Variants in GTF2F2 observed in about 807,000 individuals in gnomAD.
The protein encoded by GTF2F2 is ATP-dependent helicase GTF2F2.
In GTF2F2, 23 loss-of-function variants were observed where a neutral mutation model predicts 42.2. The observed-to-expected ratio is 0.55, with a 90% CI of 0.39 to 0.77. GTF2F2 has a LOEUF of 0.77. GTF2F2 is among the 30% of genes least tolerant of loss of function. The pLI is 0.00. For synonymous variants in GTF2F2, 105 were observed against 100.8 expected (o/e 1.04, Z -0.25); for missense variants, 261 against 287.2 (o/e 0.91, Z 0.66).
chr13:45,175,540 G>A (rs1399656308), intron 4 of GTF2F2, among the ~76,000 whole-genome samples: 1 of 152,102 alleles, frequency 6.6e-6, no homozygotes, highest in African/African-American at 2.4e-5. Flanking sequence ...AAACATTTTT[G>A]TTATTATCTT....
intron 4 of GTF2F2, among the ~76,000 whole-genome samples, chr13:45,178,802 T>G (rs566360354): frequency 3.3e-5 from 5 of 152,276 alleles, no homozygotes; most frequent in African/African-American, 1.2e-4. Flanking sequence ...TCCATGAATC[T>G]GTGAGTTGGC....
intron 5 of GTF2F2, among the ~76,000 whole-genome samples, chr13:45,211,076 G>T (rs1454769972): frequency 2.0e-5 from 3 of 152,158 alleles, no homozygotes; most frequent in Non-Finnish European, 2.9e-5. Flanking sequence ...CTGGTTGGTG[G>T]TGGCTCTTGT....
At chr13:45,151,870 A>G in intron 4 of GTF2F2, 39 bp downstream of exon 4, 1 of 860,632 alleles carries the variant, frequency 1.2e-6, no homozygotes, top group Non-Finnish European at 1.6e-6. Flanking sequence ...ATTCCTGTAC[A>G]TTTTGTATAG....
At chr13:45,128,244 G>A (rs1356089029) in intron 1 of GTF2F2, among the ~76,000 whole-genome samples, 1 of 147,686 alleles carries the variant, frequency 6.8e-6, no homozygotes. Flanking sequence ...ACAGGTGTGA[G>A]CCACTGTGCC....
intron 6 of GTF2F2, among the ~76,000 whole-genome samples, chr13:45,255,166 C>CAAAAAAAAAA (rs55795620): frequency 7.9e-5 from 6 of 76,090 alleles, no homozygotes; most frequent in Non-Finnish European, 1.4e-4. Context: ...GACTTTGTCT[C>CAAAAAAAAAA]AAAAAAAAAA....
At chr13:45,223,869 C>T (rs1433768216) in intron 5 of GTF2F2, among the ~76,000 whole-genome samples, 1 of 152,138 alleles carries the variant, frequency 6.6e-6, no homozygotes, top group East Asian at 1.9e-4. Context: ...TACATTAATA[C>T]CATTTTCCCT....
intron 1 of GTF2F2, chr13:45,124,093 C>T (rs1191566159): frequency 8.1e-6 from 7 of 862,472 alleles, no homozygotes; most frequent in South Asian, 1.3e-5. Flanking sequence ...AGGAAATGAA[C>T]TTGACAAAGT....
intron 1 of GTF2F2, among the ~76,000 whole-genome samples, chr13:45,136,133 G>A (rs1869607395): frequency 6.6e-6 from 1 of 152,204 alleles, no homozygotes; most frequent in South Asian, 2.1e-4. Context: ...TAGTCCCTGA[G>A]TGCCTCAAAT....
chr13:45,261,447 A>G (rs1297216652), intron 6 of GTF2F2, among the ~76,000 whole-genome samples: 2 of 147,288 alleles, frequency 1.4e-5, no homozygotes, highest in African/African-American at 2.6e-5. Context: ...AAAAAAAAGA[A>G]TAATTTGTGT....
intron 4 of GTF2F2, among the ~76,000 whole-genome samples, chr13:45,195,595 A>G (rs1054878524): frequency 2.0e-5 from 3 of 152,138 alleles, no homozygotes; most frequent in African/African-American, 4.8e-5. Flanking sequence ...TTGTTTTTCA[A>G]CTTGGGAGCT....
At chr13:45,253,851 G>A (rs570825464) in intron 6 of GTF2F2, among the ~76,000 whole-genome samples, 5 of 152,212 alleles carry the variant, frequency 3.3e-5, no homozygotes, top group Admixed American at 1.3e-4. Context: ...CGAGGCAGGC[G>A]GTTCACAAGG....
At chr13:45,207,204 G>T in intron 4 of GTF2F2, 1 of 462,698 alleles carries the variant, frequency 2.2e-6, no homozygotes, top group Non-Finnish European at 3.9e-6. Flanking sequence ...AAGGGCCACA[G>T]CAGCCTAATA....
intron 4 of GTF2F2, among the ~76,000 whole-genome samples, chr13:45,188,580 C>A (rs1289500030): frequency 2.0e-5 from 3 of 152,082 alleles, no homozygotes; most frequent in African/African-American, 7.2e-5. Context: ...ACATACAATT[C>A]AGAATTTAAT....
At chr13:45,126,902 A>G (rs2138087747) in intron 1 of GTF2F2, among the ~76,000 whole-genome samples, 1 of 152,304 alleles carries the variant, frequency 6.6e-6, no homozygotes, top group South Asian at 2.1e-4. Context: ...GGTATTGGGA[A>G]ATCTAAGCAA....
chr13:45,193,605 C>T (rs1284542504), intron 4 of GTF2F2: 4 of 559,544 alleles, frequency 7.1e-6, no homozygotes, highest in Non-Finnish European at 1.2e-5. Context: ...TCAGTAGGAA[C>T]ACCCCAGAGG....
intron 1 of GTF2F2, among the ~76,000 whole-genome samples, chr13:45,130,076 A>G (rs1196647274): frequency 1.3e-5 from 2 of 152,208 alleles, no homozygotes; most frequent in African/African-American, 4.8e-5. Context: ...AAGATATGGG[A>G]TAGGATCATC....
At chr13:45,212,443 T>TCTTG (rs1873690321) in intron 5 of GTF2F2, among the ~76,000 whole-genome samples, 2 of 91,482 alleles carry the variant, frequency 2.2e-5, no homozygotes, top group South Asian at 9.7e-4. Context: ...TTTCTTTCTT[T>TCTTG]CTTGTTTCTT....
At chr13:45,269,153 G>C (rs1181983392) in intron 7 of GTF2F2, among the ~76,000 whole-genome samples, 1 of 152,168 alleles carries the variant, frequency 6.6e-6, no homozygotes, top group Non-Finnish European at 1.5e-5. Flanking sequence ...ATAAGCATAA[G>C]ATTCCTGAAG....
In GTF2F2 at chr13:45,120,525, T is replaced by G; in HGVS notation, c.-131T>G. 1 of 664,556 alleles carries G rather than the reference T, an allele frequency of 1.5e-6. No individual in the cohort carries two copies. The highest frequency in any genetic ancestry group is 1.8e-5 in the South Asian group (1 of 56,150). The allele number at this position is 664,556 out of a possible 1,614,324, so 41.2% of individuals were successfully genotyped here. Reference sequence around the variant, plus strand: ...TCCTCTTTTCCTCGGTTCCCAGTGTTCTGGCAGGTAAGGAACGCCGGCTCT... The same window carrying G: ...TCCTCTTTTCCTCGGTTCCCAGTGTGCTGGCAGGTAAGGAACGCCGGCTCT... On this transcript the variant is annotated 5_prime_UTR_variant, in exon 1 of 8. Transcript: ENST00000340473.
Sources: gnomAD v4.1 joint callset for allele counts (sites outside exome capture counted in the v4.1 genomes callset) on GRCh38, gnomAD v4.1.1 for gene constraint, MANE v1.5 for transcripts, NCBI Gene and HGNC (gene_info 2026-07-23, HGNC 2026-07-21) for gene names.